The following RNLS variants were observed in gnomAD, a reference collection of about 807,000 sequenced individuals.
RNLS encodes the protein renalase.
RNLS carries 39 observed loss-of-function variants against 39.8 expected under a neutral mutation model. The observed-to-expected ratio is 0.98, with a 90% CI of 0.76 to 1.28. The LOEUF (loss-of-function observed/expected upper bound fraction) is 1.28. Ranked by LOEUF, RNLS falls within the 50% of genes most tolerant of loss-of-function variation. RNLS has a pLI of 0.00. For missense variants in RNLS, 410 were observed against 413.3 expected (o/e 0.99, Z 0.07); for synonymous variants, 147 against 150.7 (o/e 0.98, Z 0.18).
At chr10:88,284,095 C>A, downstream of RNLS, 4 of 966,732 alleles carry the variant, frequency 4.1e-6, no homozygotes, top group Non-Finnish European at 4.9e-6. Context: ...GTGACATTAA[C>A]CACATGTTGG....
chr10:88,467,958 C>T (rs1289553241), intron 4 of RNLS, among the ~76,000 whole-genome samples: 1 of 152,202 alleles, frequency 6.6e-6, no homozygotes, highest in Non-Finnish European at 1.5e-5. Context: ...CCTTTTGCTA[C>T]AGCCATTCCA....
At chr10:88,300,317 T>C (rs1330997649) in intron 6 of RNLS, among the ~76,000 whole-genome samples, 1 of 152,196 alleles carries the variant, frequency 6.6e-6, no homozygotes, top group East Asian at 1.9e-4. Flanking sequence ...AGAGAGACTG[T>C]CTAATAAAAT....
intron 5 of RNLS, among the ~76,000 whole-genome samples, chr10:88,331,076 A>G (rs1847080318): frequency 6.6e-6 from 1 of 152,198 alleles, no homozygotes; most frequent in Non-Finnish European, 1.5e-5. Context: ...CACTTCTGAG[A>G]CACATTTCTC....
downstream of RNLS, among the ~76,000 whole-genome samples, chr10:88,272,579 G>A (rs576155655): frequency 2.6e-5 from 4 of 152,238 alleles, no homozygotes; most frequent in East Asian, 1.9e-4. Context: ...GGCAGGAAAC[G>A]GTTTTGATCC....
intron 4 of RNLS, among the ~76,000 whole-genome samples, chr10:88,524,827 C>T (rs192217538): frequency 6.6e-6 from 1 of 151,140 alleles, no homozygotes; most frequent in African/African-American, 2.4e-5. Context: ...CCGTATTCTT[C>T]AAGTACTAAA....
intron 4 of RNLS, among the ~76,000 whole-genome samples, chr10:88,436,239 C>A (rs950509325): frequency 6.6e-6 from 1 of 152,102 alleles, no homozygotes; most frequent in Non-Finnish European, 1.5e-5. Flanking sequence ...CTTACCTTTA[C>A]TAAGTAAAAG....
rs190538133 is a variant in RNLS at position 88,564,193 on chromosome 10, C to A, written c.526+8710G>T. Among the ~76,000 whole-genome samples the A allele has an allele frequency of 2.4e-3, 358 of 152,152 alleles. 1 individual carries two copies. Among genetic ancestry groups the A allele is most frequent in the African/African-American group, 8.3e-3 (343 of 41,516 alleles). On this transcript the variant is annotated intron_variant, in intron 4 of 6. Coordinates refer to ENST00000331772, the MANE Select transcript of RNLS (RefSeq NM_001031709.3). ...TTATTACATCTTTGCTATCACACAG[C>A]AACTAGAAATTAAAAAATTTACAAG...
At chr10:88,430,178 G>A (rs149604409) in intron 4 of RNLS, among the ~76,000 whole-genome samples, 1,938 of 151,858 alleles carry the variant, frequency 0.013, 15 homozygotes, top group Non-Finnish European at 0.02. Context: ...ATGTCTTTCA[G>A]TAATGTTTTA....
chr10:88,500,019 T>C (rs1845386900), intron 4 of RNLS, among the ~76,000 whole-genome samples: 1 of 152,150 alleles, frequency 6.6e-6, no homozygotes, highest in African/African-American at 2.4e-5. Context: ...TAAGAATGTA[T>C]GATTGTAAGT....
At chr10:88,425,885 C>A (rs1854719434) in intron 4 of RNLS, among the ~76,000 whole-genome samples, 1 of 151,910 alleles carries the variant, frequency 6.6e-6, no homozygotes, top group African/African-American at 2.4e-5. Context: ...CAGGAAAACA[C>A]AAAGTGTGTT....
At chr10:88,353,763 C>G (rs1472663455) in intron 5 of RNLS, among the ~76,000 whole-genome samples, 1 of 152,090 alleles carries the variant, frequency 6.6e-6, no homozygotes, top group Non-Finnish European at 1.5e-5. Context: ...TCCTGGATAT[C>G]CTTGTTAAGT....
At chr10:88,472,036 C>G (rs1011905839) in intron 4 of RNLS, among the ~76,000 whole-genome samples, 14 of 152,286 alleles carry the variant, frequency 9.2e-5, no homozygotes, top group African/African-American at 3.1e-4. Context: ...TACAAAAAGA[C>G]TCTTATCTGG....
intron 4 of RNLS, among the ~76,000 whole-genome samples, chr10:88,559,581 T>TCA (rs1849057484): frequency 6.6e-6 from 1 of 152,200 alleles, no homozygotes; most frequent in African/African-American, 2.4e-5. Context: ...TTTCAAACTT[T>TCA]ATGATAAGAC....
At chr10:88,488,402 T>C (rs1280552010) in intron 4 of RNLS, among the ~76,000 whole-genome samples, 2 of 151,796 alleles carry the variant, frequency 1.3e-5, no homozygotes, top group Admixed American at 6.6e-5. Flanking sequence ...CAAAATTAGC[T>C]GGACATGGTG....
intron 4 of RNLS, among the ~76,000 whole-genome samples, chr10:88,466,580 C>T (rs1204144969): frequency 6.6e-6 from 1 of 152,146 alleles, no homozygotes; most frequent in Non-Finnish European, 1.5e-5. Flanking sequence ...AACCCGCCTC[C>T]ACCTTTAAAA....
At chr10:88,400,646 C>T (rs1852856439) in intron 4 of RNLS, among the ~76,000 whole-genome samples, 1 of 151,976 alleles carries the variant, frequency 6.6e-6, no homozygotes, top group South Asian at 2.1e-4. Context: ...ATCATATTAA[C>T]TTCCTTATGT....
chr10:88,487,563 CA>C (rs1389046048), intron 4 of RNLS, among the ~76,000 whole-genome samples: 1 of 151,954 alleles, frequency 6.6e-6, no homozygotes, highest in African/African-American at 2.4e-5. Flanking sequence ...GGCTAAAATG[CA>C]AAAGACTTAT....
At chr10:88,545,249 G>A (rs1848238962) in intron 4 of RNLS, among the ~76,000 whole-genome samples, 1 of 151,760 alleles carries the variant, frequency 6.6e-6, no homozygotes, top group African/African-American at 2.4e-5. Flanking sequence ...CCCTTTTCTA[G>A]AATACAGACC....
At chr10:88,299,094 T>C (rs1317422431) in intron 6 of RNLS, among the ~76,000 whole-genome samples, 2 of 152,198 alleles carry the variant, frequency 1.3e-5, no homozygotes, top group Non-Finnish European at 2.9e-5. Context: ...ATTTTTTAGA[T>C]AATTGTGCTG....
Sources: allele counts gnomAD v4.1 joint callset (sites outside exome capture counted in the v4.1 genomes callset), GRCh38; gene constraint gnomAD v4.1.1; transcripts MANE v1.5; gene names NCBI Gene and HGNC (gene_info 2026-07-23, HGNC 2026-07-21).